Variants in BBS9 observed in about 807,000 individuals in gnomAD.
BBS9 encodes the protein Bardet-Biedl syndrome 9, also known as protein PTHB1.
A neutral mutation model predicts 117.7 loss-of-function variants in BBS9; 89 were observed. That is an observed-to-expected ratio of 0.76 (90% CI 0.64 to 0.90). BBS9 has a LOEUF of 0.90. Among genes scored for constraint, BBS9 ranks in the 40% least tolerant of loss-of-function variants. BBS9 has a pLI of 0.00. For synonymous variants in BBS9, 379 were observed against 370.9 expected (o/e 1.02, Z -0.25); for missense variants, 982 against 1,042.2 (o/e 0.94, Z 0.80).
chr7:33,377,935 A>C (rs1824199374), intron 17 of BBS9, among the ~76,000 whole-genome samples: 1 of 152,164 alleles, frequency 6.6e-6, no homozygotes, highest in East Asian at 1.9e-4. Flanking sequence ...ATAACCATTA[A>C]AAAATTTATT....
At chr7:33,185,497 G>A (rs1300070848) in intron 5 of BBS9, among the ~76,000 whole-genome samples, 1 of 152,066 alleles carries the variant, frequency 6.6e-6, no homozygotes, top group Non-Finnish European at 1.5e-5. Flanking sequence ...CTTAAATACT[G>A]TATAAATTGC....
At chr7:33,443,214 C>A (rs1231842414) in intron 19 of BBS9, among the ~76,000 whole-genome samples, 1 of 152,016 alleles carries the variant, frequency 6.6e-6, no homozygotes, top group African/African-American at 2.4e-5. Context: ...ACCCTTCAAT[C>A]CTAACTGTTC....
chr7:33,449,230 T>C (rs963123094), intron 19 of BBS9, among the ~76,000 whole-genome samples: 3 of 152,180 alleles, frequency 2.0e-5, no homozygotes, highest in African/African-American at 7.2e-5. Flanking sequence ...ATGGATGACT[T>C]TGGGGAGAAC....
intron 5 of BBS9, among the ~76,000 whole-genome samples, chr7:33,190,189 G>T (rs1783875394): frequency 6.9e-6 from 1 of 145,546 alleles, no homozygotes; most frequent in African/African-American, 2.5e-5. Context: ...GCGCAATCTC[G>T]GCTCACTGCA....
intron 19 of BBS9, among the ~76,000 whole-genome samples, chr7:33,454,474 C>G (rs934145885): frequency 6.6e-6 from 1 of 152,234 alleles, no homozygotes. Context: ...TCCCAGCAGA[C>G]ATTTCCTTAT....
At chr7:33,377,038 C>T (rs2128734076) in intron 17 of BBS9, among the ~76,000 whole-genome samples, 1 of 152,178 alleles carries the variant, frequency 6.6e-6, no homozygotes, top group East Asian at 1.9e-4. Context: ...TGTGCAGACG[C>T]TCTTTAGTTT....
chr7:33,596,848 C>T (rs747686619), intron 21 of BBS9, among the ~76,000 whole-genome samples: 29 of 152,110 alleles, frequency 1.9e-4, no homozygotes, highest in Admixed American at 1.7e-3. Context: ...CCCCTTCCTT[C>T]TATTCTTCCA....
intron 19 of BBS9, among the ~76,000 whole-genome samples, chr7:33,470,906 T>TG (rs1189883687): frequency 1.3e-5 from 2 of 151,894 alleles, no homozygotes; most frequent in Admixed American, 6.6e-5. Flanking sequence ...TTTCAAAAGA[T>TG]GGGAGGGATA....
At position 33,351,367 on chromosome 7, in the gene BBS9, T is replaced by A. The variant is rs200032502; in HGVS notation, c.1537+44T>A. On this transcript the variant is annotated intron_variant, in intron 14 of 22. Coordinates refer to ENST00000242067, the MANE Select transcript of BBS9 (RefSeq NM_198428.3). ...TCATTACTTTAAGTTGTTGGAGTTA[T>A]GAGTAAAATGCTTATGCATTTAAGA... The A allele has an allele frequency of 1.3e-3, 1,692 of 1,283,194 alleles. 4 individuals are homozygous for A. The highest frequency in any genetic ancestry group is 1.5e-3 in the Non-Finnish European group (1,297 of 878,512). The allele number at this position is 1,283,194 out of a possible 1,614,324, so 79.5% of individuals were successfully genotyped here. A position where few individuals can be genotyped will look rare whatever the true frequency, so the allele number is the denominator to read the frequency against.
rs750395093 is a variant in BBS9 at position 33,179,640 on chromosome 7, C to T, written c.442+2049C>T. On this transcript the variant is annotated intron_variant, in intron 5 of 22. Coordinates refer to ENST00000242067, the MANE Select transcript of BBS9 (RefSeq NM_198428.3). ...GGCTTCTACTGATCCTACACTGTGT[C>T]GAGTTGTGTAATTATTTCATTATAT... Among the ~76,000 whole-genome samples, 38 of 151,916 alleles carry T rather than the reference C, an allele frequency of 2.5e-4. 1 individual carries two copies. Among genetic ancestry groups the T allele is most frequent in the Admixed American group, 1.2e-3 (18 of 15,272 alleles).
intron 5 of BBS9, chr7:33,243,038 A>AG (rs1295512318): frequency 3.9e-6 from 2 of 516,048 alleles, no homozygotes; most frequent in Non-Finnish European, 7.7e-6. Flanking sequence ...GTTATAGAAT[A>AG]GTTGGATGTG....
intron 9 of BBS9, among the ~76,000 whole-genome samples, chr7:33,335,455 A>G (rs763464815): frequency 6.6e-6 from 1 of 152,204 alleles, no homozygotes; most frequent in African/African-American, 2.4e-5. Flanking sequence ...AACAAACAAA[A>G]GTGAGTCAAA....
At chr7:33,238,300 T>C (rs1793875832) in intron 5 of BBS9, among the ~76,000 whole-genome samples, 1 of 152,152 alleles carries the variant, frequency 6.6e-6, no homozygotes, top group South Asian at 2.1e-4. Flanking sequence ...AAAGGTCTTT[T>C]TTTTTTTGAG....
At chr7:33,208,178 T>C (rs1190129336) in intron 5 of BBS9, among the ~76,000 whole-genome samples, 1 of 152,170 alleles carries the variant, frequency 6.6e-6, no homozygotes, top group African/African-American at 2.4e-5. Context: ...TACATAATTC[T>C]TTTTTGCCAT....
In BBS9 at chr7:33,447,294, G is replaced by A. The variant is rs181010685; in HGVS notation, c.2116-58169G>A. ...ATCCACAATTAATTACGGAAGCTGCGGGGAAGCAATCATAGTGGGCACCTC... is the reference window on the plus strand; with the variant it reads ...ATCCACAATTAATTACGGAAGCTGCAGGGAAGCAATCATAGTGGGCACCTC... On this transcript the variant is annotated intron_variant, in intron 19 of 22. Transcript: ENST00000242067. 2.8e-3 allele frequency among the ~76,000 whole-genome samples: 433 copies of A among 152,326 alleles called. 3 individuals carry two copies. The highest frequency in any genetic ancestry group is 9.4e-3 in the African/African-American group (390 of 41,578).
chr7:33,492,217 A>AAC (rs1554506918), intron 19 of BBS9, among the ~76,000 whole-genome samples: 7 of 149,240 alleles, frequency 4.7e-5, no homozygotes, highest in Non-Finnish European at 7.4e-5. Context: ...AAAAAAACAA[A>AAC]AAAAAAACAA....
At chr7:33,280,560 A>G (rs1053773177) in intron 9 of BBS9, among the ~76,000 whole-genome samples, 7 of 152,154 alleles carry the variant, frequency 4.6e-5, no homozygotes, top group African/African-American at 7.2e-5. Context: ...TATCACATTC[A>G]TAATTATGTT....
chr7:33,437,337 C>T (rs538824508), intron 19 of BBS9, among the ~76,000 whole-genome samples: 16 of 152,252 alleles, frequency 1.1e-4, no homozygotes, highest in Admixed American at 3.3e-4. Flanking sequence ...TTCCAAACAG[C>T]GACCTGAGAG....
chr7:33,600,154 T>C (rs1315763907), intron 21 of BBS9, among the ~76,000 whole-genome samples: 1 of 152,226 alleles, frequency 6.6e-6, no homozygotes, highest in Admixed American at 6.5e-5. Flanking sequence ...GTTAAGTAGT[T>C]AGTGCTACTC....
Sources: allele counts gnomAD v4.1 joint callset (sites outside exome capture counted in the v4.1 genomes callset), GRCh38; gene constraint gnomAD v4.1.1; transcripts MANE v1.5; gene names NCBI Gene and HGNC (gene_info 2026-07-23, HGNC 2026-07-21).